The following PPP2R5C variants were observed in gnomAD, a reference collection of about 807,000 sequenced individuals.
The protein encoded by PPP2R5C is serine/threonine-protein phosphatase 2A 56 kDa regulatory subunit gamma isoform.
Under a neutral mutation model 68.9 loss-of-function variants are expected in PPP2R5C, and 7 were observed. The observed-to-expected ratio is 0.10, with a 90% confidence interval of 0.06 to 0.19. The LOEUF (loss-of-function observed/expected upper bound fraction) is 0.19, where lower values mean the gene tolerates loss of function less well. PPP2R5C is among the 10% of genes least tolerant of loss of function. PPP2R5C has a pLI of 1.00. For missense variants in PPP2R5C, 348 were observed against 641.3 expected, an observed-to-expected ratio of 0.54 and a Z score of 4.94; for synonymous variants, 210 against 222.2, an observed-to-expected ratio of 0.95 and a Z score of 0.49.
intron 1 of PPP2R5C, among the ~76,000 whole-genome samples, chr14:101,854,953 T>G (rs974656846): frequency 6.6e-6 from 1 of 152,184 alleles, no homozygotes; most frequent in South Asian, 2.1e-4. Flanking sequence ...GTGGATCACT[T>G]GAGGCCAGGA....
chr14:101,875,113 A>G (rs1022028379), intron 2 of PPP2R5C, among the ~76,000 whole-genome samples: 1 of 152,258 alleles, frequency 6.6e-6, no homozygotes, highest in Non-Finnish European at 1.5e-5. Flanking sequence ...ATAGCAAGTT[A>G]TTCAAAGTAA....
chr14:101,808,170 G>A (rs759296075), upstream of PPP2R5C, among the ~76,000 whole-genome samples: 9 of 151,442 alleles, frequency 5.9e-5, no homozygotes, highest in Non-Finnish European at 1.2e-4. Flanking sequence ...GTTGGTGATC[G>A]GTGGCCATCC....
At position 101,854,044 on chromosome 14, in the gene PPP2R5C, A is replaced by T. The variant is rs967342192; in HGVS notation, c.95-2642A>T. Among the ~76,000 whole-genome samples the T allele has an allele frequency of 2.0e-5, 3 of 152,242 alleles. No homozygotes were observed. The East Asian group carries it at 5.8e-4, about 29-fold the overall frequency. ...AGAATTGAAGGCAAGCAAAGAGGTAATTCCAAAAATGAACGTTTTTCATTG... is the reference window on the plus strand; with the variant it reads ...AGAATTGAAGGCAAGCAAAGAGGTATTTCCAAAAATGAACGTTTTTCATTG... On this transcript the variant is annotated intron_variant, in intron 1 of 13. Transcript: ENST00000334743.
chr14:101,875,709 C>G (rs1486608902), intron 2 of PPP2R5C, among the ~76,000 whole-genome samples: 1 of 152,194 alleles, frequency 6.6e-6, no homozygotes, highest in Non-Finnish European at 1.5e-5. Flanking sequence ...AAGACTGCTA[C>G]TACGATTTTT....
intron 1 of PPP2R5C, among the ~76,000 whole-genome samples, chr14:101,839,862 C>T (rs939284750): frequency 6.6e-6 from 1 of 152,120 alleles, no homozygotes; most frequent in Non-Finnish European, 1.5e-5. Context: ...GCCCATGAAG[C>T]CTGGCTCTCA....
intron 3 of PPP2R5C, among the ~76,000 whole-genome samples, chr14:101,801,345 A>G (rs1341283499): frequency 6.6e-6 from 1 of 152,188 alleles, no homozygotes; most frequent in African/African-American, 2.4e-5. Flanking sequence ...CAACTATTAT[A>G]TATCAATTTT....
At chr14:101,761,711 C>A, upstream of PPP2R5C, 1 of 650,168 alleles carries the variant, frequency 1.5e-6, no homozygotes. Context: ...CCGCCGCCGC[C>A]GCCGTGGCTG....
At chr14:101,773,008 C>T (rs1019556936) in intron 2 of PPP2R5C, among the ~76,000 whole-genome samples, 4 of 152,174 alleles carry the variant, frequency 2.6e-5, no homozygotes, top group Non-Finnish European at 4.4e-5. Context: ...ATCATACCCT[C>T]TCTCGGTATC....
At chr14:101,764,289 A>G (rs1566817518) in intron 2 of PPP2R5C, among the ~76,000 whole-genome samples, 2 of 152,224 alleles carry the variant, frequency 1.3e-5, no homozygotes, top group African/African-American at 4.8e-5. Context: ...CAGAGCCAGT[A>G]GGTCCTTTTG....
chr14:101,855,666 G>C (rs542774617), intron 1 of PPP2R5C, among the ~76,000 whole-genome samples: 61 of 152,298 alleles, frequency 4.0e-4, no homozygotes, highest in African/African-American at 1.4e-3. Context: ...ACACATTTCA[G>C]TATGTATGTC....
chr14:101,852,469 C>CTTTTTTTTT (rs559509845), intron 1 of PPP2R5C, among the ~76,000 whole-genome samples: 9 of 115,106 alleles, frequency 7.8e-5, no homozygotes, highest in South Asian at 2.8e-4. Flanking sequence ...TTTTCTTTTT[C>CTTTTTTTTT]TTTTTTTTTT....
At chr14:101,815,916 C>T (rs549192463) in intron 1 of PPP2R5C, among the ~76,000 whole-genome samples, 19 of 152,264 alleles carry the variant, frequency 1.2e-4, no homozygotes, top group Middle Eastern at 3.4e-3. Flanking sequence ...GTGATCCGCC[C>T]GCCTTGGCCT....
At chr14:101,911,298 G>C (rs770211386) in intron 11 of PPP2R5C, among the ~76,000 whole-genome samples, 2 of 152,144 alleles carry the variant, frequency 1.3e-5, no homozygotes, top group African/African-American at 2.4e-5. Flanking sequence ...TGCCCTTTTG[G>C]GGTTTATATT....
intron 1 of PPP2R5C, among the ~76,000 whole-genome samples, chr14:101,853,190 C>A (rs2042253023): frequency 6.6e-6 from 1 of 150,878 alleles, no homozygotes; most frequent in Non-Finnish European, 1.5e-5. Flanking sequence ...TGATAGGGCC[C>A]AAGGATGCAG....
At chr14:101,890,207 T>A in intron 5 of PPP2R5C, 30 bp from the exon 8 acceptor site, 1 of 1,589,248 alleles carries the variant, frequency 6.3e-7, no homozygotes, top group Non-Finnish European at 8.6e-7. Flanking sequence ...GTTCAGTGTC[T>A]AATTCTAATG....
At chr14:101,774,092 G>A (rs2037292955) in intron 2 of PPP2R5C, among the ~76,000 whole-genome samples, 1 of 152,170 alleles carries the variant, frequency 6.6e-6, no homozygotes, top group Admixed American at 6.5e-5. Flanking sequence ...GGGAACGAGG[G>A]GCAAGAGCTG....
chr14:101,831,421 T>C (rs8018344), intron 1 of PPP2R5C, among the ~76,000 whole-genome samples: 34,423 of 152,182 alleles, frequency 0.23, 4,440 homozygotes, highest in African/African-American at 0.36. Flanking sequence ...GTTCAGCTTT[T>C]GAATGGAGCT....
upstream of PPP2R5C, chr14:101,761,824 G>T (rs903445551): frequency 7.0e-5 from 69 of 980,644 alleles, no homozygotes; most frequent in Middle Eastern, 1.6e-3. Context: ...GACGGCCGGG[G>T]CGGGGGCGCT....
chr14:101,862,319 A>AT (rs1431271145), intron 2 of PPP2R5C, among the ~76,000 whole-genome samples: 1 of 152,186 alleles, frequency 6.6e-6, no homozygotes. Context: ...AATGAGTGGG[A>AT]TTTTTAATAG....
Sources: allele counts gnomAD v4.1 joint callset (sites outside exome capture counted in the v4.1 genomes callset), GRCh38; gene constraint gnomAD v4.1.1; transcripts MANE v1.5; gene names NCBI Gene and HGNC (gene_info 2026-07-23, HGNC 2026-07-21).